Variants in XYLT1 observed in about 807,000 individuals in gnomAD.
The protein encoded by XYLT1 is xylosyltransferase 1.
In XYLT1, 36 loss-of-function variants were observed where a neutral mutation model predicts 91.3. The ratio of observed to expected loss-of-function variants is 0.39; its 90% CI spans 0.30 to 0.52. The LOEUF is 0.52. XYLT1 is among the 20% of genes least tolerant of loss of function. The probability of loss-of-function intolerance (pLI) is 0.68; values close to 1 mark genes in which losing one functional copy is unlikely to be tolerated. For synonymous variants in XYLT1, 588 were observed against 532.0 expected (o/e 1.11, Z -1.45); for missense variants, 1,242 against 1,284.5 (o/e 0.97, Z 0.51).
At chr16:17,195,139 G>T (rs2141583887) in intron 5 of XYLT1, among the ~76,000 whole-genome samples, 1 of 152,326 alleles carries the variant, frequency 6.6e-6, no homozygotes, top group South Asian at 2.1e-4. Flanking sequence ...GACATCTGTG[G>T]TTGGCAAAAG....
chr16:17,347,107 CAG>C (rs1288665382), intron 2 of XYLT1, among the ~76,000 whole-genome samples: 1 of 152,190 alleles, frequency 6.6e-6, no homozygotes, highest in Non-Finnish European at 1.5e-5. Flanking sequence ...TGTTGGCTCT[CAG>C]AGGTACAAAC....
intron 5 of XYLT1, among the ~76,000 whole-genome samples, chr16:17,160,017 A>G (rs2031508761): frequency 6.6e-6 from 1 of 152,254 alleles, no homozygotes; most frequent in African/African-American, 2.4e-5. Flanking sequence ...GAGAGCAGAA[A>G]GATAAAAAAA....
intron 3 of XYLT1, among the ~76,000 whole-genome samples, chr16:17,243,804 AG>A (rs2033388365): frequency 6.6e-6 from 1 of 152,078 alleles, no homozygotes; most frequent in Non-Finnish European, 1.5e-5. Context: ...AGAAAGTCAG[AG>A]GGGTGAGGGG....
At chr16:17,179,068 CAAA>C (rs78766186) in intron 5 of XYLT1, among the ~76,000 whole-genome samples, 3 of 119,502 alleles carry the variant, frequency 2.5e-5, no homozygotes, top group Non-Finnish European at 3.6e-5. Flanking sequence ...GACCCTGTCT[CAAA>C]AAAAAAAAAA....
chr16:17,354,109 T>G (rs1481783202), intron 2 of XYLT1, among the ~76,000 whole-genome samples: 3 of 152,174 alleles, frequency 2.0e-5, no homozygotes, highest in Non-Finnish European at 4.4e-5. Flanking sequence ...TTTTTTATTT[T>G]TTTTTCATTT....
intron 2 of XYLT1, among the ~76,000 whole-genome samples, chr16:17,264,972 A>C (rs989189636): frequency 6.6e-6 from 1 of 152,148 alleles, no homozygotes; most frequent in African/African-American, 2.4e-5. Flanking sequence ...TCGGATCATG[A>C]AGTCCGGAGA....
rs1167170462 is a variant in XYLT1 at position 17,106,776 on chromosome 16, T to A, written c.*1919A>T. 6.6e-6 allele frequency: 1 copy of A among 152,032 alleles called. No individual in the cohort carries two copies. Among genetic ancestry groups the A allele is most frequent in the Non-Finnish European group, 1.5e-5 (1 of 68,026 alleles). The allele number at this position is 152,032 out of a possible 1,614,324, so 9.4% of individuals were successfully genotyped here. On this transcript the variant is annotated 3_prime_UTR_variant, in exon 12 of 12. Coordinates refer to ENST00000261381, the MANE Select transcript of XYLT1 (RefSeq NM_022166.4). ...GGAGGCTCAGGAATTCCAATACTCT[T>A]GGAATCCGAGGGAGAGTGAGGCTGA...
intron 5 of XYLT1, among the ~76,000 whole-genome samples, chr16:17,184,888 A>C (rs1033098903): frequency 3.9e-5 from 6 of 152,254 alleles, no homozygotes. Flanking sequence ...AGAGAAAGCA[A>C]ACAAAATAGC....
chr16:17,152,395 C>T (rs762994903), intron 6 of XYLT1, among the ~76,000 whole-genome samples: 9 of 152,178 alleles, frequency 5.9e-5, no homozygotes, highest in Non-Finnish European at 1.3e-4. Flanking sequence ...ATGAACGCAT[C>T]GGTTGGGTTT....
chr16:17,338,550 A>T (rs1242971269), intron 2 of XYLT1: 1 of 455,550 alleles, frequency 2.2e-6, no homozygotes, highest in African/African-American at 2.0e-5. Context: ...AAGGCTCAAT[A>T]TTTTCATCTC....
chr16:17,108,928 T>C lies in XYLT1; in HGVS notation c.2647A>G (p.Ile883Val), dbSNP rs572010848. ...GCCTGTTCCACCTGGGCGGGGTTGA[T>C]GGGCAGGCTGAGGACGGGGTTTAGG... ...QSLNPVLSLP[I>V]NPAQVEQARR... Residue 883 changes from isoleucine (I) to valine (V), a missense_variant, in exon 12 of 12, where the codon ATC becomes GTC. Transcript: ENST00000261381. 2 of 1,598,984 alleles carry C rather than the reference T, an allele frequency of 1.3e-6. No homozygotes were observed. The highest frequency in any genetic ancestry group is 8.6e-7 in the Non-Finnish European group (1 of 1,168,944).
intron 1 of XYLT1, among the ~76,000 whole-genome samples, chr16:17,465,390 A>G (rs2036880317): frequency 6.6e-6 from 1 of 152,028 alleles, no homozygotes; most frequent in Non-Finnish European, 1.5e-5. Flanking sequence ...CAAAGTTGGG[A>G]GAAATCAGTA....
intron 6 of XYLT1, among the ~76,000 whole-genome samples, chr16:17,149,983 T>C (rs1283407244): frequency 1.3e-5 from 2 of 152,206 alleles, no homozygotes; most frequent in African/African-American, 2.4e-5. Context: ...TCCTATTCTC[T>C]CTTCTGGGAT....
At chr16:17,262,699 C>T (rs1409669700) in intron 2 of XYLT1, among the ~76,000 whole-genome samples, 1 of 152,154 alleles carries the variant, frequency 6.6e-6, no homozygotes, top group Non-Finnish European at 1.5e-5. Flanking sequence ...CTGGATACCA[C>T]AATATCCAGC....
At chr16:17,190,430 G>C (rs2141578633) in intron 5 of XYLT1, among the ~76,000 whole-genome samples, 1 of 148,164 alleles carries the variant, frequency 6.7e-6, no homozygotes, top group Non-Finnish European at 1.5e-5. Context: ...ATCTCCTAAT[G>C]CTATCCCTCC....
intron 3 of XYLT1, among the ~76,000 whole-genome samples, chr16:17,213,241 C>T (rs2032795949): frequency 6.6e-6 from 1 of 152,200 alleles, no homozygotes; most frequent in Non-Finnish European, 1.5e-5. Context: ...TACCTACATC[C>T]CCCTTTACCT....
intron 2 of XYLT1, among the ~76,000 whole-genome samples, chr16:17,306,572 A>ATG (rs969403288): frequency 1.3e-5 from 2 of 151,642 alleles, no homozygotes; most frequent in Non-Finnish European, 2.9e-5. Flanking sequence ...ATATATATAT[A>ATG]TATATTCCCT....
intron 1 of XYLT1, among the ~76,000 whole-genome samples, chr16:17,365,977 C>T (rs377261996): frequency 1.5e-4 from 23 of 151,910 alleles, no homozygotes; most frequent in Admixed American, 6.5e-5. Flanking sequence ...AAGAAACCTA[C>T]CTGAAAAGAT....
chr16:17,405,404 C>T (rs899253678), intron 1 of XYLT1, among the ~76,000 whole-genome samples: 12 of 152,210 alleles, frequency 7.9e-5, no homozygotes, highest in African/African-American at 1.7e-4. Flanking sequence ...AGCCAAGCCA[C>T]GAGGCCGGAG....
Sources: gnomAD v4.1 joint callset for allele counts (sites outside exome capture counted in the v4.1 genomes callset) on GRCh38, gnomAD v4.1.1 for gene constraint, MANE v1.5 for transcripts, NCBI Gene and HGNC (gene_info 2026-07-23, HGNC 2026-07-21) for gene names.